SIPA1L3: variants seen among roughly 807,000 people sequenced by gnomAD.
SIPA1L3 encodes the protein signal-induced proliferation-associated 1-like protein 3.
In SIPA1L3, 59 loss-of-function variants were observed where a neutral mutation model predicts 150.1. That is an observed-to-expected ratio of 0.39 (90% CI 0.32 to 0.49). The LOEUF is 0.49. SIPA1L3 is among the 20% of genes least tolerant of loss of function. The pLI, the probability that SIPA1L3 is intolerant of heterozygous loss-of-function variation, is 0.86. For synonymous variants in SIPA1L3, 1,070 were observed against 1,077.6 expected, an observed-to-expected ratio of 0.99 and a Z score of 0.14; for missense variants, 2,211 against 2,489.5, an observed-to-expected ratio of 0.89 and a Z score of 2.38.
chr19:37,932,937 C>T (rs1164000775), intron 1 of SIPA1L3, among the ~76,000 whole-genome samples: 1 of 151,896 alleles, frequency 6.6e-6, no homozygotes, highest in Non-Finnish European at 1.5e-5. Context: ...AGTTGAGCTC[C>T]TGCTGGATGC....
Position 38,077,661 on chromosome 19 carries a change from CTTTT to C in SIPA1L3, c.-310-3571_-310-3568del, listed in dbSNP as rs58788182. 3.6e-4 allele frequency among the ~76,000 whole-genome samples: 23 copies of C among 64,338 alleles called. No homozygotes were observed. In the East Asian group the frequency reaches 8.8e-3, roughly 25 times the overall value. 42.2% of individuals were successfully genotyped at this position (64,338 alleles called of 152,430 possible). A position where few individuals can be genotyped will look rare whatever the true frequency, so the allele number is the denominator to read the frequency against. ...TTTTTTCTTTTTTCTTTTTCTTTTT[CTTTT>C]TTTTTTTTTTTTTTTTTTTTTTTGA... On this transcript the variant is annotated intron_variant, in intron 2 of 21. Transcript: ENST00000222345.
intron 1 of SIPA1L3, among the ~76,000 whole-genome samples, chr19:37,934,076 G>A (rs2046578995): frequency 6.6e-6 from 1 of 152,156 alleles, no homozygotes; most frequent in Non-Finnish European, 1.5e-5. Flanking sequence ...TTAATTAAAT[G>A]GTGAGCGCGA....
At chr19:38,151,408 C>A (rs563528509) in intron 12 of SIPA1L3, among the ~76,000 whole-genome samples, 1 of 152,196 alleles carries the variant, frequency 6.6e-6, no homozygotes, top group South Asian at 2.1e-4. Context: ...CAGCTATGAG[C>A]GCTGGTCACA....
At chr19:37,984,432 C>T (rs1054931374) in intron 1 of SIPA1L3, among the ~76,000 whole-genome samples, 25 of 152,114 alleles carry the variant, frequency 1.6e-4, no homozygotes, top group Non-Finnish European at 3.5e-4. Context: ...CATCTCAATG[C>T]TGAAAGCTCA....
intron 1 of SIPA1L3, among the ~76,000 whole-genome samples, chr19:38,019,990 G>A (rs1004840541): frequency 5.3e-5 from 8 of 152,110 alleles, no homozygotes; most frequent in Admixed American, 2.0e-4. Context: ...CTACTCAGGA[G>A]GCTGAGACGA....
chr19:37,982,748 C>CATAATGCA (rs1265575966), intron 1 of SIPA1L3, among the ~76,000 whole-genome samples: 1 of 152,178 alleles, frequency 6.6e-6, no homozygotes, highest in Non-Finnish European at 1.5e-5. Context: ...TTATGGCTCT[C>CATAATGCA]CCAGTTAATG....
chr19:38,151,826 T>G (rs2145959033), intron 12 of SIPA1L3, among the ~76,000 whole-genome samples: 1 of 151,916 alleles, frequency 6.6e-6, no homozygotes, highest in South Asian at 2.1e-4. Flanking sequence ...TAGCCGGGCG[T>G]GTAACATGCA....
chr19:37,916,757 C>T (rs1281193302), intron 1 of SIPA1L3, among the ~76,000 whole-genome samples: 4 of 152,002 alleles, frequency 2.6e-5, no homozygotes, highest in Admixed American at 6.6e-5. Flanking sequence ...TTCAGGAGTT[C>T]GAGACCAGCC....
At chr19:38,034,099 C>T (rs1229169647) in intron 2 of SIPA1L3, among the ~76,000 whole-genome samples, 1 of 151,666 alleles carries the variant, frequency 6.6e-6, no homozygotes, top group Non-Finnish European at 1.5e-5. Context: ...ATGGACACAT[C>T]GCTCCTGCTG....
chr19:38,189,592 C>T (rs1044464255), intron 16 of SIPA1L3, among the ~76,000 whole-genome samples: 1 of 152,026 alleles, frequency 6.6e-6, no homozygotes, highest in Non-Finnish European at 1.5e-5. Context: ...GTGGTGAAAC[C>T]CTGTCTCTAC....
chr19:38,105,665 GGGA>G (rs1292651246), intron 6 of SIPA1L3, among the ~76,000 whole-genome samples: 1 of 152,198 alleles, frequency 6.6e-6, no homozygotes, highest in African/African-American at 2.4e-5. Context: ...TCACATGAAT[GGGA>G]TCACACTGTG....
rs1242428692 is a variant in SIPA1L3, at chr19:38,130,787, C to T, written c.3143+15C>T. The T allele has an allele frequency of 5.1e-6, 8 of 1,580,748 alleles. No individual in the cohort carries two copies. Among genetic ancestry groups the T allele is most frequent in the Non-Finnish European group, 6.9e-6 (8 of 1,158,264 alleles). On this transcript the variant is annotated intron_variant, in intron 10 of 21. Transcript: ENST00000222345. ...ACTCCCCGGAGGTAAGGGCCTCCACCTTTCAGCCAGGTGGTGGGTGGCAGC... is the reference window on the plus strand; with the variant it reads ...ACTCCCCGGAGGTAAGGGCCTCCACTTTTCAGCCAGGTGGTGGGTGGCAGC...
intron 1 of SIPA1L3, among the ~76,000 whole-genome samples, chr19:37,998,540 G>A (rs933263339): frequency 7.2e-5 from 11 of 152,334 alleles, no homozygotes; most frequent in Non-Finnish European, 5.9e-5. Context: ...CCGGCACTTT[G>A]GGAGACCAAG....
Position 38,141,320 on chromosome 19 carries a change from C to T in SIPA1L3, c.3280C>T (p.Pro1094Ser). 1.2e-6 allele frequency: 2 copies of T among 1,614,048 alleles called. No homozygotes were observed. Among genetic ancestry groups the T allele is most frequent in the Non-Finnish European group, 1.7e-6 (2 of 1,179,994 alleles). Reference protein sequence around the residue: ...WSGPASHNSLPASKWATPTTP... With the variant: ...WSGPASHNSLSASKWATPTTP... ...CGGGCCCGCATCCCATAACTCTCTA[C>T]CAGCCTCCAAGTGGGCCACTCCAAC... Residue 1094 changes from proline to serine, a missense_variant, in exon 11 of 22, where the codon CCA becomes TCA. Physicochemically the swap from Pro to Ser is moderately conservative, Grantham distance 74. Transcript: ENST00000222345.
intron 1 of SIPA1L3, among the ~76,000 whole-genome samples, chr19:38,006,383 C>T (rs1467850342): frequency 6.6e-6 from 1 of 151,966 alleles, no homozygotes; most frequent in East Asian, 1.9e-4. Flanking sequence ...GGGCATCACG[C>T]CTTTTACCTT....
intron 13 of SIPA1L3, among the ~76,000 whole-genome samples, chr19:38,160,250 A>G (rs1972050443): frequency 1.3e-5 from 2 of 151,814 alleles, no homozygotes; most frequent in Admixed American, 6.6e-5. Context: ...CTGACCTCAA[A>G]TGATCCCCCC....
At chr19:38,113,904 T>A (rs1970825141) in intron 8 of SIPA1L3, among the ~76,000 whole-genome samples, 1 of 152,158 alleles carries the variant, frequency 6.6e-6, no homozygotes, top group Non-Finnish European at 1.5e-5. Context: ...GTTTTCATCC[T>A]TTCTGTTTCA....
At chr19:37,964,402 G>C (rs2046884693) in intron 1 of SIPA1L3, 1 of 152,186 alleles carries the variant, frequency 6.6e-6, no homozygotes. Context: ...AAAAAAATAA[G>C]ATAAAAGGAG....
intron 8 of SIPA1L3, among the ~76,000 whole-genome samples, chr19:38,114,582 G>A (rs1600090397): frequency 6.6e-6 from 1 of 152,334 alleles, no homozygotes; most frequent in African/African-American, 2.4e-5. Flanking sequence ...TCCCACAGAA[G>A]AAAATTTACC....
Sources: allele counts gnomAD v4.1 joint callset (sites outside exome capture counted in the v4.1 genomes callset), GRCh38; gene constraint gnomAD v4.1.1; transcripts MANE v1.5; gene names NCBI Gene and HGNC (gene_info 2026-07-23, HGNC 2026-07-21).